The following DCLK1 variants were observed in gnomAD, a reference collection of about 807,000 sequenced individuals.
The protein encoded by DCLK1 is serine/threonine-protein kinase DCLK1.
DCLK1 carries 16 observed loss-of-function variants against 86.2 expected under a neutral mutation model. The observed-to-expected ratio is 0.19, with a 90% CI of 0.13 to 0.28. The LOEUF is 0.28. Ranked by LOEUF, DCLK1 falls within the 10% of genes least tolerant of loss-of-function variation. The probability of loss-of-function intolerance (pLI) is 1.00; values close to 1 mark genes in which losing one functional copy is unlikely to be tolerated. For missense variants in DCLK1, 590 were observed against 940.2 expected, an observed-to-expected ratio of 0.63 and a Z score of 4.87; for synonymous variants, 369 against 370.5, an observed-to-expected ratio of 1.00 and a Z score of 0.05.
At chr13:35,796,733 C>T (rs920751677) in intron 15 of DCLK1, among the ~76,000 whole-genome samples, 1 of 152,162 alleles carries the variant, frequency 6.6e-6, no homozygotes, top group African/African-American at 2.4e-5. Flanking sequence ...CTTTTTCCCA[C>T]ACCAGGTTGC....
At chr13:35,915,786 G>C (rs987280369) in intron 4 of DCLK1, among the ~76,000 whole-genome samples, 1 of 152,118 alleles carries the variant, frequency 6.6e-6, no homozygotes, top group Non-Finnish European at 1.5e-5. Flanking sequence ...GCTATGCAAA[G>C]GTAAGTAATC....
At chr13:35,967,312 C>G (rs1014894981) in intron 3 of DCLK1, among the ~76,000 whole-genome samples, 7 of 152,186 alleles carry the variant, frequency 4.6e-5, no homozygotes, top group Non-Finnish European at 8.8e-5. Context: ...CGGCCGCCAC[C>G]CCATCTGGGA....
At chr13:35,904,438 C>T (rs1384242683) in intron 4 of DCLK1, among the ~76,000 whole-genome samples, 3 of 152,300 alleles carry the variant, frequency 2.0e-5, no homozygotes, top group Non-Finnish European at 4.4e-5. Context: ...GTGATCTGCT[C>T]GCCCCAACCT....
At chr13:36,069,379 C>A (rs1037842208) in intron 3 of DCLK1, among the ~76,000 whole-genome samples, 5 of 152,110 alleles carry the variant, frequency 3.3e-5, no homozygotes, top group South Asian at 2.1e-4. Flanking sequence ...AGTGAAAAAA[C>A]CAAGAATACA....
At chr13:35,905,702 T>C (rs981265664) in intron 4 of DCLK1, among the ~76,000 whole-genome samples, 3 of 152,092 alleles carry the variant, frequency 2.0e-5, no homozygotes, top group Admixed American at 6.5e-5. Context: ...TCCCAGCGCA[T>C]TGGGAGGCCA....
At chr13:36,123,440 A>AT (rs892488427) in intron 2 of DCLK1, among the ~76,000 whole-genome samples, 6 of 151,880 alleles carry the variant, frequency 4.0e-5, no homozygotes, top group South Asian at 2.1e-4. Flanking sequence ...CAATCAGATA[A>AT]TTTTTTTTTC....
intron 3 of DCLK1, among the ~76,000 whole-genome samples, chr13:36,042,502 A>G (rs1882733689): frequency 2.0e-5 from 3 of 152,162 alleles, no homozygotes. Context: ...CTTATTTTTG[A>G]CCAAAGCTGT....
At chr13:35,945,198 C>A (rs1877306275) in intron 4 of DCLK1, among the ~76,000 whole-genome samples, 1 of 152,182 alleles carries the variant, frequency 6.6e-6, no homozygotes, top group South Asian at 2.1e-4. Context: ...CTGCACCCAG[C>A]CTGTGGGCAT....
chr13:35,808,596 A>G (rs2087078562), intron 13 of DCLK1, among the ~76,000 whole-genome samples: 2 of 152,138 alleles, frequency 1.3e-5, no homozygotes, highest in Non-Finnish European at 2.9e-5. Context: ...CAGCTTGGCC[A>G]ACATGGTGAA....
At chr13:35,956,436 T>A (rs1461856862) in intron 3 of DCLK1, among the ~76,000 whole-genome samples, 1 of 152,158 alleles carries the variant, frequency 6.6e-6, no homozygotes, top group African/African-American at 2.4e-5. Context: ...ACTGTGATAA[T>A]TGGAAAAAGA....
chr13:35,803,612 G>C (rs1406119867), intron 15 of DCLK1, among the ~76,000 whole-genome samples: 2 of 152,110 alleles, frequency 1.3e-5, no homozygotes, highest in African/African-American at 4.8e-5. Context: ...CCATCTAGTG[G>C]CACAACATGA....
At chr13:36,024,722 A>G (rs1881959524) in intron 3 of DCLK1, among the ~76,000 whole-genome samples, 1 of 152,040 alleles carries the variant, frequency 6.6e-6, no homozygotes. Flanking sequence ...TTTTTTTTGT[A>G]GATATTACAA....
Position 36,129,319 on chromosome 13 carries a change from A to G in DCLK1, c.-20+1795T>C, listed in dbSNP as rs548067634. Among the ~76,000 whole-genome samples the G allele has an allele frequency of 3.5e-4, 54 of 152,388 alleles. No individual in the cohort carries two copies. The South Asian group carries it at 0.01, about 29-fold the overall frequency. ...TGAAAAAAGAAGAAAAGAACAATTT[A>G]AAATAGAAAAAAGGTTTACTTTGTT... On this transcript the variant is annotated intron_variant, in intron 1 of 16. Transcript: ENST00000360631.
chr13:36,108,854 T>C (rs1472778619), intron 3 of DCLK1, among the ~76,000 whole-genome samples: 1 of 152,166 alleles, frequency 6.6e-6, no homozygotes, highest in African/African-American at 2.4e-5. Flanking sequence ...GTTGGCAGCA[T>C]ATGGACCCCG....
At chr13:36,074,865 C>T (rs1884131285) in intron 3 of DCLK1, among the ~76,000 whole-genome samples, 1 of 152,198 alleles carries the variant, frequency 6.6e-6, no homozygotes, top group African/African-American at 2.4e-5. Context: ...TCCTTAGCAA[C>T]CAATGTCGAC....
chr13:35,827,151 G>C (rs1868545626), intron 10 of DCLK1, among the ~76,000 whole-genome samples: 1 of 152,192 alleles, frequency 6.6e-6, no homozygotes, highest in African/African-American at 2.4e-5. Context: ...CTGAAAGTCA[G>C]TACACTATTC....
chr13:36,058,313 A>C (rs1883410877), intron 3 of DCLK1, among the ~76,000 whole-genome samples: 2 of 152,210 alleles, frequency 1.3e-5, no homozygotes, highest in Admixed American at 6.5e-5. Flanking sequence ...TGGACTGAGA[A>C]AGGGAACTTT....
intron 2 of DCLK1, among the ~76,000 whole-genome samples, chr13:36,118,482 A>T (rs1885869852): frequency 6.6e-6 from 1 of 152,116 alleles, no homozygotes; most frequent in Admixed American, 6.6e-5. Flanking sequence ...ACCACAATAG[A>T]TACAATTAGA....
At chr13:36,131,466 G>A (rs1206743688), upstream of DCLK1, among the ~76,000 whole-genome samples, 1 of 151,708 alleles carries the variant, frequency 6.6e-6, no homozygotes, top group African/African-American at 2.4e-5. Flanking sequence ...CCTCCTCCGC[G>A]TGCGCGCCCC....
Sources: allele counts gnomAD v4.1 joint callset (sites outside exome capture counted in the v4.1 genomes callset), GRCh38; gene constraint gnomAD v4.1.1; transcripts MANE v1.5; gene names NCBI Gene and HGNC (gene_info 2026-07-23, HGNC 2026-07-21).